The following EIF4E3 variants were observed in gnomAD, a reference collection of about 807,000 sequenced individuals.
EIF4E3 encodes the protein eukaryotic translation initiation factor 4E type 3.
Under a neutral mutation model 31.7 loss-of-function variants are expected in EIF4E3, and 26 were observed. The ratio of observed to expected loss-of-function variants is 0.82; its 90% CI spans 0.60 to 1.14. The LOEUF is 1.14. Among genes scored for constraint, EIF4E3 ranks in the 50% most tolerant of loss-of-function variants. The pLI, the probability that EIF4E3 is intolerant of heterozygous loss-of-function variation, is 0.00. For missense variants in EIF4E3, 304 were observed against 270.9 expected, an observed-to-expected ratio of 1.12 and a Z score of -0.86; for synonymous variants, 128 against 107.7, an observed-to-expected ratio of 1.19 and a Z score of -1.17.
the EIF4E3 span, among the ~76,000 whole-genome samples, chr3:71,664,459 T>A: frequency 6.6e-6 from 1 of 152,100 alleles, no homozygotes; most frequent in Non-Finnish European, 1.5e-5. Flanking sequence ...ATGGGTCACT[T>A]AAGCCTGGCC....
intron 4 of EIF4E3, among the ~76,000 whole-genome samples, chr3:71,694,488 T>C (rs1438369944): frequency 6.6e-6 from 1 of 152,236 alleles, no homozygotes; most frequent in Non-Finnish European, 1.5e-5. Flanking sequence ...TAGAACTTTA[T>C]GTAAGAATGT....
At chr3:71,663,460 G>A in the EIF4E3 span, among the ~76,000 whole-genome samples, 1 of 152,178 alleles carries the variant, frequency 6.6e-6, no homozygotes, top group African/African-American at 2.4e-5. Context: ...CAAACCTACA[G>A]ACAAAGATTG....
chr3:71,695,462 T>C (rs1212522560), intron 4 of EIF4E3, among the ~76,000 whole-genome samples: 3 of 152,216 alleles, frequency 2.0e-5, no homozygotes, highest in Non-Finnish European at 4.4e-5. Flanking sequence ...GTAAATAAAG[T>C]GAGTAAATAA....
chr3:71,673,336 C>A (rs2048856089), downstream of EIF4E3, among the ~76,000 whole-genome samples: 1 of 152,094 alleles, frequency 6.6e-6, no homozygotes, highest in Admixed American at 6.5e-5. Context: ...ACTGCTACCC[C>A]TCAGGTATAT....
chr3:71,702,609 C>T (rs914159985), intron 2 of EIF4E3, among the ~76,000 whole-genome samples: 1 of 151,572 alleles, frequency 6.6e-6, no homozygotes, highest in Non-Finnish European at 1.5e-5. Flanking sequence ...GAAGAGATTA[C>T]AGCCCAAGAA....
chr3:71,699,474 C>A (rs1332945243), intron 3 of EIF4E3, 140 bp downstream of exon 3: 9 of 765,660 alleles, frequency 1.2e-5, no homozygotes, highest in Non-Finnish European at 2.0e-5. Flanking sequence ...ACACTTACCC[C>A]CAGACCCTGG....
intron 2 of EIF4E3, among the ~76,000 whole-genome samples, chr3:71,704,064 T>C (rs2049256211): frequency 6.6e-6 from 1 of 152,224 alleles, no homozygotes; most frequent in African/African-American, 2.4e-5. Context: ...AGCAAAGTGC[T>C]TCTGATTTAC....
At position 71,691,359 on chromosome 3, in the gene EIF4E3, C is replaced by T. The variant is rs528344784; in HGVS notation, c.473-1194G>A. ...TATCCAATTTACTAAAAGAAATAATCGGCAGTAAAGTAATTCCTTTCTTTT... is the reference window on the plus strand; with the variant it reads ...TATCCAATTTACTAAAAGAAATAATTGGCAGTAAAGTAATTCCTTTCTTTT... On this transcript the variant is annotated intron_variant, in intron 5 of 6. Coordinates refer to ENST00000425534, the MANE Select transcript of EIF4E3 (RefSeq NM_001134651.2). Among the ~76,000 whole-genome samples, 24 of 152,260 alleles carry T rather than the reference C, an allele frequency of 1.6e-4. No individual in the cohort carries two copies. In the East Asian group the frequency reaches 2.9e-3, roughly 18 times the overall value.
intron 1 of EIF4E3, among the ~76,000 whole-genome samples, chr3:71,719,835 C>G (rs1306326634): frequency 1.3e-5 from 2 of 151,940 alleles, no homozygotes; most frequent in Non-Finnish European, 2.9e-5. Flanking sequence ...GCAACACAGT[C>G]AGACCCTGTC....
In EIF4E3 at chr3:71,683,471, C is replaced by G. The variant is rs773615896; in HGVS notation, c.*1211G>C. On this transcript the variant is annotated 3_prime_UTR_variant, in exon 7 of 7. Coordinates refer to ENST00000425534, the MANE Select transcript of EIF4E3 (RefSeq NM_001134651.2). ...GGCAAAGTCAGGAGAGGGAAATCAG[C>G]GTATTCTGAGCTAGTCTCCATGGTC... 3.9e-5 allele frequency: 6 copies of G among 152,214 alleles called. No individual in the cohort carries two copies. The highest frequency in any genetic ancestry group is 8.8e-5 in the Non-Finnish European group (6 of 68,032). The allele number at this position is 152,214 out of a possible 1,614,324, so 9.4% of individuals were successfully genotyped here. A position where few individuals can be genotyped will look rare whatever the true frequency, so the allele number is the denominator to read the frequency against.
chr3:71,746,527 G>C (rs1378937080), intron 1 of EIF4E3, among the ~76,000 whole-genome samples: 1 of 152,164 alleles, frequency 6.6e-6, no homozygotes, highest in African/African-American at 2.4e-5. Context: ...TCAGGTAAGA[G>C]TACAAGAAAT....
chr3:71,701,829 A>G (rs987346874), intron 2 of EIF4E3, among the ~76,000 whole-genome samples: 2 of 152,228 alleles, frequency 1.3e-5, no homozygotes, highest in African/African-American at 4.8e-5. Flanking sequence ...GTATTAATTG[A>G]GAATCCACTT....
chr3:71,660,785 G>A, the EIF4E3 span, among the ~76,000 whole-genome samples: 2 of 152,218 alleles, frequency 1.3e-5, no homozygotes, highest in African/African-American at 4.8e-5. Flanking sequence ...CGGATGACAA[G>A]GAGATGTCGT....
At chr3:71,753,940 G>A (rs1351687319), upstream of EIF4E3, 2 of 1,014,092 alleles carry the variant, frequency 2.0e-6, no homozygotes, top group South Asian at 4.5e-5. Flanking sequence ...CCGCAGGACG[G>A]GGAGCTCGCC....
In EIF4E3 at chr3:71,714,236, A is replaced by AGG. The variant is rs1181006190; in HGVS notation, c.177-3753_177-3752insCC. On this transcript the variant is annotated intron_variant, in intron 1 of 6. Transcript: ENST00000425534. ...TCAAAAAAAAGAAAGAAAGAAGGGA[A>AGG]GAAGGAAAGGAAGGAAGGAAGGAAG... Among the ~76,000 whole-genome samples the AGG allele has an allele frequency of 1.2e-3, 180 of 144,182 alleles. 3 individuals carry two copies. The highest frequency in any genetic ancestry group is 1.8e-3 in the Non-Finnish European group (116 of 65,724). 94.6% of individuals were successfully genotyped at this position (144,182 alleles called of 152,430 possible).
chr3:71,679,801 G>A lies in EIF4E3; in HGVS notation c.*4881C>T, dbSNP rs2048902503. On this transcript the variant is annotated 3_prime_UTR_variant, in exon 7 of 7. Transcript: ENST00000425534. ...TGGAAATTCATTCCCAGGCTACTTTGATAGTCATTTGAACAGTTTTGTGTT... is the reference window on the plus strand; with the variant it reads ...TGGAAATTCATTCCCAGGCTACTTTAATAGTCATTTGAACAGTTTTGTGTT... 1 of 152,140 alleles carries A rather than the reference G, an allele frequency of 6.6e-6. No individual in the cohort carries two copies. Among genetic ancestry groups the A allele is most frequent in the African/African-American group, 2.4e-5 (1 of 41,420 alleles). 9.4% of individuals were successfully genotyped at this position (152,140 alleles called of 1,614,324 possible).
intron 1 of EIF4E3, among the ~76,000 whole-genome samples, chr3:71,724,578 AT>A (rs2049600968): frequency 6.6e-6 from 1 of 152,186 alleles, no homozygotes; most frequent in Admixed American, 6.5e-5. Flanking sequence ...GCTGCTGCTC[AT>A]TATTGAATCT....
At chr3:71,690,247 C>A in intron 5 of EIF4E3, 82 bp from the exon 6 acceptor site, 1 of 1,412,246 alleles carries the variant, frequency 7.1e-7, no homozygotes, top group Non-Finnish European at 9.4e-7. Context: ...GTCTTTTTAT[C>A]TGAAAATTAA....
the EIF4E3 span, among the ~76,000 whole-genome samples, chr3:71,663,307 T>G: frequency 1.3e-5 from 2 of 152,224 alleles, no homozygotes; most frequent in South Asian, 4.1e-4. Flanking sequence ...TTTTTTACCT[T>G]GAGCATCTCT....
Sources: allele counts gnomAD v4.1 joint callset (sites outside exome capture counted in the v4.1 genomes callset), GRCh38; gene constraint gnomAD v4.1.1; transcripts MANE v1.5; gene names NCBI Gene and HGNC (gene_info 2026-07-23, HGNC 2026-07-21).